The following MARCHF8 variants were observed in gnomAD, a reference collection of about 807,000 sequenced individuals.
MARCHF8 encodes the protein membrane associated ring-CH-type finger 8, also known as E3 ubiquitin-protein ligase MARCHF8.
A neutral mutation model predicts 51.6 loss-of-function variants in MARCHF8; 40 were observed. That is an observed-to-expected ratio of 0.77 (90% CI 0.60 to 1.01). The LOEUF is 1.01. Among genes scored for constraint, MARCHF8 ranks in the 50% least tolerant of loss-of-function variants. The probability of loss-of-function intolerance (pLI) is 0.00; values close to 1 mark genes in which losing one functional copy is unlikely to be tolerated. For synonymous variants in MARCHF8, 263 were observed against 280.3 expected (o/e 0.94, Z 0.62); for missense variants, 685 against 708.6 (o/e 0.97, Z 0.38).
chr10:45,509,583 T>C (rs1404724436), intron 2 of MARCHF8, among the ~76,000 whole-genome samples: 8 of 152,218 alleles, frequency 5.3e-5, no homozygotes, highest in African/African-American at 1.4e-4. Flanking sequence ...CATTTGAAAA[T>C]GATGCTCATT....
chr10:45,505,799 TTC>T (rs1369468872), intron 2 of MARCHF8, among the ~76,000 whole-genome samples: 1 of 152,256 alleles, frequency 6.6e-6, no homozygotes, highest in Non-Finnish European at 1.5e-5. Flanking sequence ...GTTAGTTTTT[TTC>T]TGTTTGTCTA....
intron 2 of MARCHF8, 131 bp from the exon 3 acceptor site, chr10:45,489,548 A>G (rs538913823): frequency 4.2e-6 from 3 of 713,842 alleles, no homozygotes; most frequent in Admixed American, 2.8e-5. Context: ...AACCTACTAT[A>G]TACTAGATGT....
At chr10:45,552,302 T>C (rs2044204948) in intron 1 of MARCHF8, among the ~76,000 whole-genome samples, 2 of 142,936 alleles carry the variant, frequency 1.4e-5, no homozygotes, top group Admixed American at 1.4e-4. Context: ...ACACAGGTGG[T>C]AGAATTTAAA....
chr10:45,465,058 A>G lies in MARCHF8; in HGVS notation c.154-731T>C, dbSNP rs563514956. ...GGTGAATAGTCAAACTTAGAGAAAA[A>G]AATCTAGGAAGGAGAGGAAGCACTG... On this transcript the variant is annotated intron_variant, in intron 3 of 7. Coordinates refer to ENST00000453424, the MANE Select transcript of MARCHF8 (RefSeq NM_001282866.2). Among the ~76,000 whole-genome samples the G allele has an allele frequency of 2.0e-5, 3 of 152,316 alleles. No homozygotes were observed. The South Asian group carries it at 6.2e-4, about 32-fold the overall frequency.
At chr10:45,470,950 TAAAAG>T (rs963611760) in intron 3 of MARCHF8, among the ~76,000 whole-genome samples, 2 of 152,168 alleles carry the variant, frequency 1.3e-5, no homozygotes, top group Non-Finnish European at 2.9e-5. Context: ...GAGCCACAAT[TAAAAG>T]AAAAGAGGCC....
upstream of MARCHF8, among the ~76,000 whole-genome samples, chr10:45,535,775 G>A (rs1166365264): frequency 6.6e-6 from 1 of 152,052 alleles, no homozygotes; most frequent in Non-Finnish European, 1.5e-5. Flanking sequence ...TCTTTACACA[G>A]AATAACAGTT....
chr10:45,540,397 T>C (rs1038189029), intron 1 of MARCHF8, among the ~76,000 whole-genome samples: 8 of 151,754 alleles, frequency 5.3e-5, no homozygotes, highest in Admixed American at 4.6e-4. Flanking sequence ...TCAGAAATAA[T>C]GCCTTATACA....
At chr10:45,507,976 A>G (rs1285936884) in intron 2 of MARCHF8, among the ~76,000 whole-genome samples, 2 of 152,224 alleles carry the variant, frequency 1.3e-5, no homozygotes, top group Admixed American at 6.5e-5. Flanking sequence ...CTGTATAAAT[A>G]ACAAAGATTC....
In MARCHF8 at chr10:45,471,445, C is replaced by A. The variant is rs572070894; in HGVS notation, c.154-7118G>T. The stretch of plus-strand genomic sequence containing the variant: ...AAAGGTGGCTTCACAGTCCCAGAAA[C>A]TAAAGATGTAACCATATAAAAATCC... On this transcript the variant is annotated intron_variant, in intron 3 of 7. Coordinates refer to ENST00000453424, the MANE Select transcript of MARCHF8 (RefSeq NM_001282866.2). Among the ~76,000 whole-genome samples the A allele has an allele frequency of 1.3e-3, 200 of 152,298 alleles. 1 individual carries two copies. Among genetic ancestry groups the A allele is most frequent in the African/African-American group, 4.4e-3 (181 of 41,562 alleles).
intron 1 of MARCHF8, among the ~76,000 whole-genome samples, chr10:45,568,715 CAAAAAAAAAAAAAA>C (rs71023130): frequency 1.3e-5 from 1 of 75,586 alleles, no homozygotes; most frequent in African/African-American, 5.3e-5. Flanking sequence ...GAGACTGTTT[CAAAAAAAAAAAAAA>C]AAAAAAAAAC....
chr10:45,587,567 AAACCTAAC>A (rs1394457124), intron 1 of MARCHF8, among the ~76,000 whole-genome samples: 1 of 152,202 alleles, frequency 6.6e-6, no homozygotes, highest in Non-Finnish European at 1.5e-5. Context: ...CTTTTTTAAA[AAACCTAAC>A]AAGCTGATTT....
intron 3 of MARCHF8, among the ~76,000 whole-genome samples, chr10:45,467,874 A>C (rs1843022367): frequency 6.6e-6 from 1 of 152,180 alleles, no homozygotes; most frequent in South Asian, 2.1e-4. Context: ...CAAAAATCCA[A>C]ATGTGTCAAG....
At chr10:45,568,248 T>G (rs1021559343) in intron 1 of MARCHF8, among the ~76,000 whole-genome samples, 4 of 152,224 alleles carry the variant, frequency 2.6e-5, no homozygotes, top group Admixed American at 2.0e-4. Context: ...CTTTCCAATC[T>G]GGATACCCTT....
Position 45,456,961 on chromosome 10 carries a change from T to C in MARCHF8, c.*1278A>G, listed in dbSNP as rs936041321. ...GGTTAAGGCGACAGCTGGGCGGGCA[T>C]GTGGCCGGGGAGCAGTGGCACAGCG... On this transcript the variant is annotated 3_prime_UTR_variant, in exon 8 of 8. Coordinates refer to ENST00000453424, the MANE Select transcript of MARCHF8 (RefSeq NM_001282866.2). The C allele has an allele frequency of 6.6e-6, 1 of 152,310 alleles. No homozygotes were observed. Among genetic ancestry groups the C allele is most frequent in the South Asian group, 2.1e-4 (1 of 4,832 alleles). The allele number at this position is 152,310 out of a possible 1,614,324, so 9.4% of individuals were successfully genotyped here.
upstream of MARCHF8, among the ~76,000 whole-genome samples, chr10:45,539,774 AGAT>A (rs1165487991): frequency 6.6e-6 from 1 of 152,244 alleles, no homozygotes; most frequent in Non-Finnish European, 1.5e-5. Flanking sequence ...TCCTGTTTGC[AGAT>A]GATATGATTG....
At chr10:45,557,116 CTTTTTTTTTTTTTTTTT>C (rs58172142) in intron 1 of MARCHF8, among the ~76,000 whole-genome samples, 6 of 66,208 alleles carry the variant, frequency 9.1e-5, no homozygotes, top group Non-Finnish European at 1.1e-4. Flanking sequence ...GGTGCCTATT[CTTTTTTTTTTTTTTTTT>C]TTTTTTTTTT....
chr10:45,490,932 C>T (rs1027700248), intron 2 of MARCHF8, among the ~76,000 whole-genome samples: 1 of 152,144 alleles, frequency 6.6e-6, no homozygotes, highest in African/African-American at 2.4e-5. Flanking sequence ...AGGGATCACT[C>T]TGTCACCCAG....
intron 2 of MARCHF8, among the ~76,000 whole-genome samples, chr10:45,521,789 TCTACAGAAAAG>T (rs1188543787): frequency 6.6e-6 from 1 of 152,204 alleles, no homozygotes; most frequent in African/African-American, 2.4e-5. Context: ...AAACTTTAAA[TCTACAGAAAAG>T]CTAAAAGAAT....
intron 2 of MARCHF8, among the ~76,000 whole-genome samples, chr10:45,521,045 C>A (rs2043697603): frequency 6.6e-6 from 1 of 152,168 alleles, no homozygotes; most frequent in Non-Finnish European, 1.5e-5. Context: ...ATCAACTTAT[C>A]TTTAATTACG....
Sources: gnomAD v4.1 joint callset for allele counts (sites outside exome capture counted in the v4.1 genomes callset) on GRCh38, gnomAD v4.1.1 for gene constraint, MANE v1.5 for transcripts, NCBI Gene and HGNC (gene_info 2026-07-23, HGNC 2026-07-21) for gene names.